The following EPHA4 variants were observed in gnomAD, a reference collection of about 807,000 sequenced individuals.
EPHA4 encodes the protein EPH receptor A4.
Under a neutral mutation model 108.3 loss-of-function variants are expected in EPHA4, and 19 were observed. That is an observed-to-expected ratio of 0.18 (90% CI 0.12 to 0.26). The LOEUF is 0.26. EPHA4 is among the 10% of genes least tolerant of loss of function. The probability of loss-of-function intolerance (pLI) is 1.00; values close to 1 mark genes in which losing one functional copy is unlikely to be tolerated. For synonymous variants in EPHA4, 449 were observed against 455.5 expected, an observed-to-expected ratio of 0.99 and a Z score of 0.18; for missense variants, 917 against 1,254.0, an observed-to-expected ratio of 0.73 and a Z score of 4.06.
chr2:221,493,226 G>A (rs1278375605), intron 4 of EPHA4, among the ~76,000 whole-genome samples: 4 of 151,936 alleles, frequency 2.6e-5, no homozygotes, highest in South Asian at 2.1e-4. Context: ...ATATGCTTTC[G>A]GGTAGATAAA....
chr2:221,560,679 A>G (rs553934985), intron 3 of EPHA4, among the ~76,000 whole-genome samples: 2 of 152,312 alleles, frequency 1.3e-5, no homozygotes, highest in African/African-American at 2.4e-5. Flanking sequence ...ACTTTTACCA[A>G]TCTTACAACC....
chr2:221,523,309 C>T (rs546116997), intron 3 of EPHA4, among the ~76,000 whole-genome samples: 50 of 151,080 alleles, frequency 3.3e-4, no homozygotes, highest in African/African-American at 9.2e-4. Context: ...TTTTTTGAGA[C>T]GCAGTTTCCC....
intron 4 of EPHA4, among the ~76,000 whole-genome samples, chr2:221,490,711 C>G (rs944107284): frequency 6.6e-6 from 1 of 152,208 alleles, no homozygotes; most frequent in African/African-American, 2.4e-5. Flanking sequence ...TTGTTAATCT[C>G]TCTCCAGCTG....
intron 17 of EPHA4, among the ~76,000 whole-genome samples, chr2:221,424,477 A>C (rs937278099): frequency 2.3e-4 from 12 of 53,088 alleles, no homozygotes; most frequent in Admixed American, 1.5e-3. Context: ...GAAATAACTC[A>C]AAAAAAAAAA....
At chr2:221,570,761 T>A (rs1054338868) in intron 1 of EPHA4, among the ~76,000 whole-genome samples, 4 of 151,750 alleles carry the variant, frequency 2.6e-5, no homozygotes, top group Non-Finnish European at 4.4e-5. Context: ...GATGGATGGA[T>A]GGGTGGATGG....
At chr2:221,485,825 G>A (rs1691958566) in intron 4 of EPHA4, among the ~76,000 whole-genome samples, 1 of 150,284 alleles carries the variant, frequency 6.7e-6, no homozygotes, top group Non-Finnish European at 1.5e-5. Context: ...ATATGGGCTT[G>A]AATATAGCCA....
chr2:221,478,690 C>T (rs1196459436), intron 5 of EPHA4, among the ~76,000 whole-genome samples: 4 of 152,168 alleles, frequency 2.6e-5, no homozygotes, highest in Admixed American at 2.6e-4. Flanking sequence ...GGGAAAAGTA[C>T]TCTGTCCTCA....
intron 5 of EPHA4, among the ~76,000 whole-genome samples, chr2:221,473,577 A>AATTTT (rs1691561120): frequency 7.5e-6 from 1 of 132,680 alleles, no homozygotes; most frequent in Non-Finnish European, 1.6e-5. Flanking sequence ...AAAAAAAACT[A>AATTTT]TTTAAAGACA....
Position 221,443,496 on chromosome 2 carries a change from C to T in EPHA4, c.1885G>A (p.Val629Ile). 1 of 1,612,352 alleles carries T rather than the reference C, an allele frequency of 6.2e-7. No homozygotes were observed. The highest frequency in any genetic ancestry group is 8.5e-7 in the Non-Finnish European group (1 of 1,178,612). ...SCIKIEKVIG[V>I]GEFGEVCSGR... The stretch of plus-strand genomic sequence containing the variant: ...AGACGGACACTCAGACACTTACCAA[C>T]TCCTATAACTTTTTCAATCTTAATG... The change falls in exon 10 of 18, where the codon GTT becomes ATT. Residue 629 changes from valine (V) to isoleucine (I), a missense_variant. By Grantham distance (29) the Val-to-Ile change is conservative (BLOSUM62 3). Transcript: ENST00000281821.
intron 3 of EPHA4, among the ~76,000 whole-genome samples, chr2:221,544,196 T>A (rs1693917578): frequency 6.6e-6 from 1 of 152,140 alleles, no homozygotes; most frequent in Admixed American, 6.5e-5. Flanking sequence ...GCATAAATAT[T>A]CAGATCATCG....
At chr2:221,515,086 G>A (rs907591710) in intron 3 of EPHA4, among the ~76,000 whole-genome samples, 2 of 152,130 alleles carry the variant, frequency 1.3e-5, no homozygotes, top group South Asian at 4.1e-4. Context: ...TTTACAAGAT[G>A]CTACCTCAAT....
intron 4 of EPHA4, among the ~76,000 whole-genome samples, chr2:221,493,789 G>A (rs1433334823): frequency 6.6e-6 from 1 of 152,220 alleles, no homozygotes; most frequent in East Asian, 1.9e-4. Flanking sequence ...TTGTTGTTTG[G>A]AACTTGGCTG....
chr2:221,452,480 G>A (rs1690816586), intron 8 of EPHA4, among the ~76,000 whole-genome samples: 1 of 152,178 alleles, frequency 6.6e-6, no homozygotes, highest in Admixed American at 6.6e-5. Context: ...AACATTTATA[G>A]TCCAAGATAA....
chr2:221,442,923 T>C lies in EPHA4; in HGVS notation c.1980A>G (p.Thr660=). ...TCAGGAAGTCTCTCCTCTGTTTGTCTGTATAACCAGCTTTCAGAGTCTTGA... is the reference window on the plus strand; with the variant it reads ...TCAGGAAGTCTCTCCTCTGTTTGTCCGTATAACCAGCTTTCAGAGTCTTGA... ...VAIKTLKAGY[T]DKQRRDFLSE... The change falls in exon 11 of 18, where the codon ACA becomes ACG. Residue 660 remains threonine (T), a synonymous_variant. Coordinates refer to ENST00000281821, the MANE Select transcript of EPHA4 (RefSeq NM_004438.5). 6.2e-7 allele frequency: 1 copy of C among 1,614,196 alleles called. No homozygotes were observed. Among genetic ancestry groups the C allele is most frequent in the Non-Finnish European group, 8.5e-7 (1 of 1,180,028 alleles).
At chr2:221,497,084 T>C (rs892395053) in intron 4 of EPHA4, among the ~76,000 whole-genome samples, 3 of 151,954 alleles carry the variant, frequency 2.0e-5, no homozygotes, top group African/African-American at 7.3e-5. Flanking sequence ...AAATCACTGA[T>C]AGAGAGGCAG....
At chr2:221,442,348 G>A (rs1690455276) in intron 11 of EPHA4, among the ~76,000 whole-genome samples, 1 of 152,172 alleles carries the variant, frequency 6.6e-6, no homozygotes, top group Admixed American at 6.5e-5. Flanking sequence ...CTGTAAATAG[G>A]TGCTGAACTG....
At chr2:221,558,647 C>T (rs1371398466) in intron 3 of EPHA4, among the ~76,000 whole-genome samples, 1 of 151,966 alleles carries the variant, frequency 6.6e-6, no homozygotes, top group African/African-American at 2.4e-5. Context: ...TCTTGAATAC[C>T]ATATTCAAAA....
chr2:221,421,247 C>A (rs1417544515), intron 17 of EPHA4, among the ~76,000 whole-genome samples: 1 of 151,760 alleles, frequency 6.6e-6, no homozygotes, highest in Non-Finnish European at 1.5e-5. Context: ...TTGCAGTGAG[C>A]CGAGACAGCG....
chr2:221,570,110 A>AT (rs1694781502), intron 1 of EPHA4, among the ~76,000 whole-genome samples: 1 of 152,116 alleles, frequency 6.6e-6, no homozygotes, highest in Non-Finnish European at 1.5e-5. Flanking sequence ...AAAGGAAACA[A>AT]TAAGACCCAA....
Sources: allele counts gnomAD v4.1 joint callset (sites outside exome capture counted in the v4.1 genomes callset), GRCh38; gene constraint gnomAD v4.1.1; transcripts MANE v1.5; gene names NCBI Gene and HGNC (gene_info 2026-07-23, HGNC 2026-07-21).